CSMD1: variants seen among roughly 807,000 people sequenced by gnomAD.
The protein encoded by CSMD1 is CUB and Sushi multiple domains 1, also known as CUB and sushi domain-containing protein 1.
In CSMD1, 213 loss-of-function variants were observed where a neutral mutation model predicts 417.5. That is an observed-to-expected ratio of 0.51 (90% CI 0.46 to 0.57). The LOEUF (loss-of-function observed/expected upper bound fraction) is 0.57, where lower values mean the gene tolerates loss of function less well. Among genes scored for constraint, CSMD1 ranks in the 20% least tolerant of loss-of-function variants. The pLI is 0.00. For synonymous variants in CSMD1, 2,862 were observed against 1,736.8 expected, an observed-to-expected ratio of 1.65 and a Z score of -16.11; for missense variants, 6,923 against 4,529.7, an observed-to-expected ratio of 1.53 and a Z score of -15.17.
At chr8:4,889,080 A>C (rs918321423) in intron 1 of CSMD1, among the ~76,000 whole-genome samples, 1 of 152,150 alleles carries the variant, frequency 6.6e-6, no homozygotes, top group African/African-American at 2.4e-5. Flanking sequence ...CCAGTGAATG[A>C]ACGTTTGATG....
intron 49 of CSMD1, among the ~76,000 whole-genome samples, chr8:3,059,202 A>G (rs1421492426): frequency 6.6e-6 from 1 of 152,040 alleles, no homozygotes; most frequent in Non-Finnish European, 1.5e-5. Flanking sequence ...AACTAAAAAA[A>G]AATAAGGAAA....
chr8:4,015,206 G>A (rs180687350), intron 4 of CSMD1, among the ~76,000 whole-genome samples: 147 of 152,240 alleles, frequency 9.7e-4, no homozygotes, highest in Non-Finnish European at 1.0e-3. Context: ...TTGTCCTGAC[G>A]TGACAGATCA....
chr8:3,290,547 T>G, intron 25 of CSMD1, among the ~76,000 whole-genome samples: 1 of 145,920 alleles, frequency 6.9e-6, no homozygotes. Flanking sequence ...TCACATCCCT[T>G]GTAAGTTGGA....
At chr8:3,189,626 C>A (rs1585603674) in intron 34 of CSMD1, among the ~76,000 whole-genome samples, 2 of 152,014 alleles carry the variant, frequency 1.3e-5, no homozygotes, top group East Asian at 3.8e-4. Context: ...GGTTTTTTCC[C>A]AAAATGAGAT....
chr8:3,825,642 G>A (rs569216851), intron 5 of CSMD1, among the ~76,000 whole-genome samples: 1 of 152,120 alleles, frequency 6.6e-6, no homozygotes, highest in Admixed American at 6.5e-5. Flanking sequence ...AAAGACAACA[G>A]CCAAATGCGA....
chr8:3,594,034 T>C (rs1215987191), intron 8 of CSMD1, among the ~76,000 whole-genome samples: 1 of 152,172 alleles, frequency 6.6e-6, no homozygotes, highest in African/African-American at 2.4e-5. Context: ...TGACGTTTGA[T>C]TCAAGAAAAG....
At chr8:4,763,301 CTCTT>C (rs1812237388) in intron 1 of CSMD1, among the ~76,000 whole-genome samples, 1 of 152,202 alleles carries the variant, frequency 6.6e-6, no homozygotes. Flanking sequence ...TATAAAGTAA[CTCTT>C]TCCCTCCTGA....
chr8:4,101,700 G>T (rs890061442), intron 3 of CSMD1, among the ~76,000 whole-genome samples: 2 of 152,172 alleles, frequency 1.3e-5, no homozygotes, highest in Non-Finnish European at 2.9e-5. Flanking sequence ...AAATGATTGA[G>T]TAATCAAACC....
rs573851199 is a variant in CSMD1, at chr8:4,045,550, A to G, written c.416-13451T>C. ...CCCTGTGGGCAGCAGATGCTGTTAC[A>G]GCTCAGAAAGAGGATGTGCAATGCT... On this transcript the variant is annotated intron_variant, in intron 3 of 69. Transcript: ENST00000635120. Among the ~76,000 whole-genome samples, 197 of 152,346 alleles carry G rather than the reference A, an allele frequency of 1.3e-3. 2 individuals carry two copies. In the South Asian group the frequency reaches 0.04, roughly 31 times the overall value.
At chr8:3,191,785 G>C (rs1189698636) in intron 33 of CSMD1, among the ~76,000 whole-genome samples, 1 of 152,172 alleles carries the variant, frequency 6.6e-6, no homozygotes, top group Non-Finnish European at 1.5e-5. Context: ...TCTGAAAATA[G>C]TTATGCCCTT....
At chr8:4,145,815 G>C (rs1235938966) in intron 3 of CSMD1, among the ~76,000 whole-genome samples, 3 of 151,278 alleles carry the variant, frequency 2.0e-5, no homozygotes, top group South Asian at 2.1e-4. Context: ...AGGAATGCAA[G>C]GGTTGGAATG....
chr8:4,379,255 T>A (rs1372829799), intron 3 of CSMD1, among the ~76,000 whole-genome samples: 1 of 152,174 alleles, frequency 6.6e-6, no homozygotes, highest in Non-Finnish European at 1.5e-5. Flanking sequence ...CATGTGGGAC[T>A]TTTTAAAAAA....
chr8:3,948,893 T>A (rs1267901010), intron 5 of CSMD1, among the ~76,000 whole-genome samples: 1 of 150,680 alleles, frequency 6.6e-6, no homozygotes, highest in Admixed American at 6.6e-5. Context: ...AAAAGGAGAT[T>A]TTTTTTTTCA....
intron 3 of CSMD1, among the ~76,000 whole-genome samples, chr8:4,246,225 C>T (rs2128826644): frequency 6.6e-6 from 1 of 152,276 alleles, no homozygotes; most frequent in South Asian, 2.1e-4. Context: ...CCAGTGTGTT[C>T]ATGAGCTCTC....
intron 3 of CSMD1, among the ~76,000 whole-genome samples, chr8:4,083,089 C>T (rs1304128196): frequency 1.3e-5 from 2 of 152,108 alleles, no homozygotes; most frequent in South Asian, 4.2e-4. Context: ...GTGCATGTTT[C>T]TTTATAGCAG....
At chr8:4,168,614 C>A (rs1026257229) in intron 3 of CSMD1, among the ~76,000 whole-genome samples, 1 of 151,990 alleles carries the variant, frequency 6.6e-6, no homozygotes, top group East Asian at 1.9e-4. Flanking sequence ...AACATGTGTG[C>A]AAGATGAACA....
chr8:3,742,947 G>C (rs1048492807), intron 6 of CSMD1, among the ~76,000 whole-genome samples: 1 of 152,128 alleles, frequency 6.6e-6, no homozygotes, highest in Non-Finnish European at 1.5e-5. Context: ...TCATCTTCTT[G>C]ACAGGATACC....
intron 12 of CSMD1, among the ~76,000 whole-genome samples, chr8:3,419,205 A>G (rs181670809): frequency 1.3e-3 from 192 of 152,278 alleles, no homozygotes; most frequent in African/African-American, 4.5e-3. Flanking sequence ...ATTTCTGAGC[A>G]CCTAAGTGGT....
chr8:4,350,208 C>G (rs1440079772), intron 3 of CSMD1, among the ~76,000 whole-genome samples: 1 of 152,130 alleles, frequency 6.6e-6, no homozygotes, highest in Non-Finnish European at 1.5e-5. Context: ...TTGCAAGGCT[C>G]TGTCAAGCGT....
Sources: gnomAD v4.1 joint callset for allele counts (sites outside exome capture counted in the v4.1 genomes callset) on GRCh38, gnomAD v4.1.1 for gene constraint, MANE v1.5 for transcripts, NCBI Gene and HGNC (gene_info 2026-07-23, HGNC 2026-07-21) for gene names.